Variants in DMD observed in about 807,000 individuals in gnomAD.
DMD encodes the protein dystrophin.
A neutral mutation model predicts 330.1 loss-of-function variants in DMD; 63 were observed. That is an observed-to-expected ratio of 0.19 (90% CI 0.16 to 0.24). DMD has a LOEUF of 0.24. Among genes scored for constraint, DMD ranks in the 10% least tolerant of loss-of-function variants. The probability of loss-of-function intolerance (pLI) is 1.00; values close to 1 mark genes in which losing one functional copy is unlikely to be tolerated. For synonymous variants in DMD, 1,223 were observed against 959.8 expected (o/e 1.27, Z -5.07); for missense variants, 3,344 against 2,684.1 (o/e 1.25, Z -5.43).
intron 9 of DMD, among the ~76,000 whole-genome samples, chrX:32,675,915 C>T (rs1355725950): frequency 9.0e-6 from 1 of 111,593 alleles, no homozygotes; most frequent in Non-Finnish European, 1.9e-5. Context: ...TCATCACAGA[C>T]ATTATCTAAG....
intron 48 of DMD, among the ~76,000 whole-genome samples, chrX:31,860,598 T>C (rs1006221472): frequency 8.9e-6 from 1 of 112,228 alleles, no homozygotes; most frequent in African/African-American, 3.2e-5. Context: ...ACCATTGTGG[T>C]TACTCATGAA....
Position 31,929,581 on chromosome X carries a change from T to C in DMD, c.6912+15A>G, listed in dbSNP as rs752575662. 8 of 1,207,393 alleles carry C rather than the reference T, an allele frequency of 6.6e-6. No homozygotes were observed. In the Admixed American group the frequency reaches 1.8e-4, roughly 26 times the overall value. ...CATTTAACACATGTGACGGAAGAGA[T>C]GGTTAATGTCTAACCTTTATCCACT... On this transcript the variant is annotated intron_variant, in intron 47 of 78. Coordinates refer to ENST00000357033, the MANE Select transcript of DMD (RefSeq NM_004006.3).
chrX:31,351,618 C>T (rs1489197404), intron 60 of DMD, among the ~76,000 whole-genome samples: 2 of 104,839 alleles, frequency 1.9e-5, no homozygotes, highest in Non-Finnish European at 3.9e-5. Flanking sequence ...CCCAGCTACT[C>T]GGGAAGCTGA....
At position 33,211,397 on chromosome X, in the gene DMD, A is replaced by G. The variant is rs2051907364; in HGVS notation, c.-85T>C. 7 of 1,177,590 alleles carry G rather than the reference A, an allele frequency of 5.9e-6. No homozygotes were observed. The South Asian group carries it at 7.6e-5, about 13-fold the overall frequency. ...TATTGCTCCAGTAGGCTTAAAAACA[A>G]TGAGAAACCAACAAACTTCAGCAGC... On this transcript the variant is annotated 5_prime_UTR_variant, in exon 1 of 79. Coordinates refer to ENST00000357033, the MANE Select transcript of DMD (RefSeq NM_004006.3).
rs1180774350 is a variant in DMD, at chrX:32,312,622, C to A, written c.5923-2346G>T. Among the ~76,000 whole-genome samples, 3 of 109,365 alleles carry A rather than the reference C, an allele frequency of 2.7e-5. No homozygotes were observed. In the Admixed American group the frequency reaches 3.0e-4, roughly 11 times the overall value. The allele number at this position is 109,365 out of a possible 115,157, so 95.0% of individuals were successfully genotyped here. A position where few individuals can be genotyped will look rare whatever the true frequency, so the allele number is the denominator to read the frequency against. ...AACGTTAAATAAAAATGAGATTTGCCAATGAATCCAGGAGCTGGTCTTTTG... is the reference window on the plus strand; with the variant it reads ...AACGTTAAATAAAAATGAGATTTGCAAATGAATCCAGGAGCTGGTCTTTTG... On this transcript the variant is annotated intron_variant, in intron 41 of 78. Coordinates refer to ENST00000357033, the MANE Select transcript of DMD (RefSeq NM_004006.3).
intron 51 of DMD, among the ~76,000 whole-genome samples, chrX:31,750,465 C>T (rs139435366): frequency 1.8e-5 from 2 of 110,529 alleles, no homozygotes; most frequent in African/African-American, 6.6e-5. Flanking sequence ...AGATATGCGG[C>T]GTTACTTCTG....
chrX:32,651,165 T>G lies in DMD; in HGVS notation c.961-6013A>C, dbSNP rs5971652. Among the ~76,000 whole-genome samples the G allele has an allele frequency of 0.082, 9,051 of 109,868 alleles. 944 individuals carry two copies. Among genetic ancestry groups the G allele is most frequent in the African/African-American group, 0.29 (8,571 of 29,768 alleles). Reference sequence around the variant, plus strand: ...TTTTTTTTTTCTGTTTTTTTGAGATTGAGTATTGCTCTTCCTGCCCAGGCT... The same window carrying G: ...TTTTTTTTTTCTGTTTTTTTGAGATGGAGTATTGCTCTTCCTGCCCAGGCT... On this transcript the variant is annotated intron_variant, in intron 9 of 78. Transcript: ENST00000357033.
chrX:32,417,842 C>T (rs1450842202), intron 29 of DMD, among the ~76,000 whole-genome samples: 1 of 109,989 alleles, frequency 9.1e-6, no homozygotes, highest in Non-Finnish European at 1.9e-5. Context: ...CACACACACA[C>T]ACAAATCATA....
At chrX:31,286,429 C>T (rs764347653) in intron 62 of DMD, among the ~76,000 whole-genome samples, 14 of 112,008 alleles carry the variant, frequency 1.2e-4, no homozygotes, top group South Asian at 3.8e-4. Context: ...TGATATAAGA[C>T]GATAGGTTAA....
chrX:32,710,998 C>T (rs1028950317), intron 7 of DMD, among the ~76,000 whole-genome samples: 1 of 111,536 alleles, frequency 9.0e-6, no homozygotes, highest in African/African-American at 3.3e-5. Context: ...CTATAATATG[C>T]ATGCAAACAT....
chrX:32,886,905 G>A (rs947494433), intron 2 of DMD, among the ~76,000 whole-genome samples: 49 of 111,769 alleles, frequency 4.4e-4, no homozygotes, highest in Admixed American at 9.5e-4. Flanking sequence ...AATATAGCAC[G>A]ATCACATCTA....
chrX:31,786,461 G>C (rs899834706), intron 50 of DMD, among the ~76,000 whole-genome samples: 2 of 111,018 alleles, frequency 1.8e-5, no homozygotes, highest in Middle Eastern at 4.7e-3. Flanking sequence ...AATTCCAATG[G>C]TTCTGATATA....
Position 32,254,286 on chromosome X carries a change from C to T in DMD, c.6290+33243G>A, listed in dbSNP as rs764150353. Among the ~76,000 whole-genome samples, 6 of 112,004 alleles carry T rather than the reference C, an allele frequency of 5.4e-5. No individual in the cohort carries two copies. The South Asian group carries it at 2.2e-3, about 42-fold the overall frequency. On this transcript the variant is annotated intron_variant, in intron 43 of 78. Transcript: ENST00000357033. ...CTAACTCCTGGCCTCAAGTGATCTGCCCACCTCGGCCTCTCAAATTGCTGG... is the reference window on the plus strand; with the variant it reads ...CTAACTCCTGGCCTCAAGTGATCTGTCCACCTCGGCCTCTCAAATTGCTGG...
chrX:32,413,463 AT>A (rs1210088626), intron 29 of DMD, among the ~76,000 whole-genome samples: 2 of 110,939 alleles, frequency 1.8e-5, no homozygotes, highest in African/African-American at 6.6e-5. Flanking sequence ...TCAATCACTA[AT>A]TATTTATTAT....
At chrX:32,652,586 G>A (rs1004270570) in intron 9 of DMD, among the ~76,000 whole-genome samples, 1 of 110,277 alleles carries the variant, frequency 9.1e-6, no homozygotes, top group South Asian at 3.9e-4. Flanking sequence ...GAATAGTGCC[G>A]CAATAAACAT....
rs144918423 is a variant in DMD at position 32,690,490 on chromosome X, A to G, written c.960+7380T>C. On this transcript the variant is annotated intron_variant, in intron 9 of 78. Coordinates refer to ENST00000357033, the MANE Select transcript of DMD (RefSeq NM_004006.3). ...TGGCATTTTTCACAGAAACAGAGAA[A>G]AACTCTGAAATTCATATGGAACCAC... Among the ~76,000 whole-genome samples, 610 of 111,794 alleles carry G rather than the reference A, an allele frequency of 5.5e-3. 5 individuals carry two copies. The highest frequency in any genetic ancestry group is 0.018 in the African/African-American group (570 of 30,905).
At chrX:31,690,553 A>G (rs2148811489) in intron 52 of DMD, among the ~76,000 whole-genome samples, 1 of 112,270 alleles carries the variant, frequency 8.9e-6, no homozygotes, top group East Asian at 2.8e-4. Flanking sequence ...TGTGGAAGTC[A>G]GTGTGGCGAT....
chrX:32,212,676 A>G (rs1009898059), intron 44 of DMD, among the ~76,000 whole-genome samples: 2 of 111,724 alleles, frequency 1.8e-5, no homozygotes, highest in African/African-American at 6.5e-5. Context: ...TTGTATATGC[A>G]CTCAATTACT....
intron 7 of DMD, among the ~76,000 whole-genome samples, chrX:32,801,886 G>C (rs1164873855): frequency 8.9e-6 from 1 of 111,747 alleles, no homozygotes; most frequent in Non-Finnish European, 1.9e-5. Flanking sequence ...TCTGGTACCA[G>C]TATCATGCTG....
Sources: gnomAD v4.1 joint callset for allele counts (sites outside exome capture counted in the v4.1 genomes callset) on GRCh38, gnomAD v4.1.1 for gene constraint, MANE v1.5 for transcripts, NCBI Gene and HGNC (gene_info 2026-07-23, HGNC 2026-07-21) for gene names.